Variants in TCF7L2 observed in about 807,000 individuals in gnomAD.
TCF7L2 encodes transcription factor 7 like 2.
TCF7L2 carries 23 observed loss-of-function variants against 77.9 expected under a neutral mutation model. The observed-to-expected ratio is 0.30, with a 90% CI of 0.21 to 0.42. The LOEUF is 0.42. TCF7L2 is among the 10% of genes least tolerant of loss of function. The pLI is 1.00. For synonymous variants in TCF7L2, 413 were observed against 340.2 expected (o/e 1.21, Z -2.36); for missense variants, 654 against 793.1 (o/e 0.82, Z 2.11).
chr10:113,040,140 C>T lies in TCF7L2; in HGVS notation c.552+14C>T. 6.2e-7 allele frequency: 1 copy of T among 1,610,114 alleles called. No homozygotes were observed. The highest frequency in any genetic ancestry group is 8.5e-7 in the Non-Finnish European group (1 of 1,177,296). Reference sequence around the variant, plus strand: ...GCACACATTGTCGTAAGTAACCTCCCAGAGATGATGGCTTCCTTTATTGAG... The same window carrying T: ...GCACACATTGTCGTAAGTAACCTCCTAGAGATGATGGCTTCCTTTATTGAG... On this transcript the variant is annotated intron_variant, in intron 5 of 13. Transcript: ENST00000627217.
At chr10:113,038,640 T>G (rs2051823433) in intron 4 of TCF7L2, among the ~76,000 whole-genome samples, 1 of 152,188 alleles carries the variant, frequency 6.6e-6, no homozygotes. Context: ...TTGAAATTGT[T>G]CTGACCATCA....
chr10:112,959,560 G>C lies in TCF7L2; in HGVS notation c.382-4996G>C, dbSNP rs191020287. Among the ~76,000 whole-genome samples, 6 of 152,320 alleles carry C rather than the reference G, an allele frequency of 3.9e-5. No individual in the cohort carries two copies. In the South Asian group the frequency reaches 1.0e-3, roughly 26 times the overall value. ...CCAGGAAGTGAAAGGGGATGCTGTCGTTAAGTTATTGTTTAGGGATGGTAC... is the reference window on the plus strand; with the variant it reads ...CCAGGAAGTGAAAGGGGATGCTGTCCTTAAGTTATTGTTTAGGGATGGTAC... On this transcript the variant is annotated intron_variant, in intron 3 of 13. Transcript: ENST00000627217.
chr10:113,150,920 CTTTT>C lies in TCF7L2; in HGVS notation c.876-76_876-73del, dbSNP rs1233537134. 6.1e-6 allele frequency: 8 copies of C among 1,321,230 alleles called. No homozygotes were observed. In the African/African-American group the frequency reaches 1.1e-4, roughly 18 times the overall value. The allele number at this position is 1,321,230 out of a possible 1,614,324, so 81.8% of individuals were successfully genotyped here. On this transcript the variant is annotated intron_variant, in intron 8 of 13. Transcript: ENST00000627217. Reference sequence around the variant, plus strand: ...AGTGTTACGTGCTGTTTTTTTTTTTCTTTTTAATTGTGTGTACACATCCCTCCTC... The same window carrying C: ...AGTGTTACGTGCTGTTTTTTTTTTTCTAATTGTGTGTACACATCCCTCCTC...
intron 5 of TCF7L2, among the ~76,000 whole-genome samples, chr10:113,081,693 A>G (rs1283954426): frequency 6.6e-6 from 1 of 152,226 alleles, no homozygotes; most frequent in Non-Finnish European, 1.5e-5. Flanking sequence ...TTGAGGTCAC[A>G]TTGAACCTCA....
chr10:113,164,907 G>A (rs1448777589), intron 13 of TCF7L2, among the ~76,000 whole-genome samples: 1 of 152,204 alleles, frequency 6.6e-6, no homozygotes, highest in Non-Finnish European at 1.5e-5. Context: ...GGCGCCAGCA[G>A]CCTCATGGTG....
intron 10 of TCF7L2, among the ~76,000 whole-genome samples, 165 bp from the exon 11 acceptor site, chr10:113,152,168 C>T (rs918825640): frequency 3.9e-5 from 6 of 152,156 alleles, no homozygotes; most frequent in Admixed American, 1.3e-4. Flanking sequence ...CTGTTAGTGC[C>T]AGGACCCAGC....
At chr10:112,973,696 T>C (rs567876704) in intron 4 of TCF7L2, among the ~76,000 whole-genome samples, 3 of 152,296 alleles carry the variant, frequency 2.0e-5, no homozygotes, top group Admixed American at 1.3e-4. Context: ...TTCAAGCTGT[T>C]CGCCTGCCTC....
chr10:113,114,002 A>G (rs1054151367), intron 5 of TCF7L2, among the ~76,000 whole-genome samples: 3 of 152,218 alleles, frequency 2.0e-5, no homozygotes, highest in African/African-American at 7.2e-5. Context: ...TCATAGTCTC[A>G]TGATTGTTAA....
chr10:113,068,290 G>A (rs1216873889), intron 5 of TCF7L2, among the ~76,000 whole-genome samples: 4 of 152,208 alleles, frequency 2.6e-5, no homozygotes, highest in African/African-American at 9.7e-5. Context: ...TGCTGGAGCC[G>A]CTGCCGTCTC....
chr10:113,131,319 T>C (rs1217742692), intron 5 of TCF7L2, among the ~76,000 whole-genome samples: 1 of 152,202 alleles, frequency 6.6e-6, no homozygotes, highest in Non-Finnish European at 1.5e-5. Context: ...AGTTCTCTCG[T>C]TGAGCGTAAA....
rs752020538 is a variant in TCF7L2, at chr10:113,166,429, C to T, written c.*457C>T. 21 of 224,600 alleles carry T rather than the reference C, an allele frequency of 9.3e-5. No individual in the cohort carries two copies. Among genetic ancestry groups the T allele is most frequent in the Non-Finnish European group, 1.7e-4 (20 of 114,954 alleles). The allele number at this position is 224,600 out of a possible 1,614,324, so 13.9% of individuals were successfully genotyped here. On this transcript the variant is annotated 3_prime_UTR_variant, in exon 14 of 14. Transcript: ENST00000627217. ...ACATCTGGTTTTTAAACCGTAAGGG[C>T]ACCATGAATGCAGTGCCGTTACTTT...
At chr10:112,974,496 T>G (rs1208037353) in intron 4 of TCF7L2, among the ~76,000 whole-genome samples, 1 of 152,154 alleles carries the variant, frequency 6.6e-6, no homozygotes, top group Non-Finnish European at 1.5e-5. Flanking sequence ...CAGGCTGGAG[T>G]GCAGTGGCGC....
At chr10:112,983,890 C>T (rs575849604) in intron 4 of TCF7L2, among the ~76,000 whole-genome samples, 18 of 152,334 alleles carry the variant, frequency 1.2e-4, no homozygotes, top group African/African-American at 3.8e-4. Context: ...GAACCCAGGC[C>T]TGTTCACACA....
At chr10:113,129,503 A>T (rs554106315) in intron 5 of TCF7L2, 736 of 1,008,880 alleles carry the variant, frequency 7.3e-4, no homozygotes, top group Non-Finnish European at 8.3e-4. Flanking sequence ...AATTTTTTTT[A>T]AAAAATTAAA....
rs149092094 is a variant in TCF7L2 at position 113,055,695 on chromosome 10, C to T, written c.552+15569C>T. Among the ~76,000 whole-genome samples, 1,103 of 152,332 alleles carry T rather than the reference C, an allele frequency of 7.2e-3. 4 individuals are homozygous for T. The highest frequency in any genetic ancestry group is 0.014 in the Middle Eastern group (4 of 294). ...CTGGTACCAAGAGGTCCTCCTGCCC[C>T]AGCCTCCTGAATAGGTGGGACCACA... is the stretch of plus-strand genomic sequence containing the variant. On this transcript the variant is annotated intron_variant, in intron 5 of 13. Transcript: ENST00000627217.
intron 6 of TCF7L2, among the ~76,000 whole-genome samples, chr10:113,142,474 G>A (rs1005120362): frequency 7.2e-5 from 11 of 152,234 alleles, no homozygotes; most frequent in South Asian, 4.1e-4. Context: ...AGGCTACCCA[G>A]TGTGTTGGTA....
chr10:112,992,489 C>A (rs555986144), intron 4 of TCF7L2, among the ~76,000 whole-genome samples: 5 of 152,072 alleles, frequency 3.3e-5, no homozygotes, highest in African/African-American at 1.2e-4. Context: ...GAGTGCTGGG[C>A]GAACATTTCT....
Position 113,165,969 on chromosome 10 carries a change from A to C in TCF7L2, c.1806A>C (p.Glu602Asp), listed in dbSNP as rs770026114. The C allele has an allele frequency of 3.3e-6, 5 of 1,520,592 alleles. No homozygotes were observed. The highest frequency in any genetic ancestry group is 4.4e-6 in the Non-Finnish European group (5 of 1,133,144). The allele number at this position is 1,520,592 out of a possible 1,614,324, so 94.2% of individuals were successfully genotyped here. ...TGTCGCTCGTCACCAAGTCTTTAGA[A>C]TAGCTTTAGCGTCGTGAACCCCGCT... Residue 602 changes from glutamate to aspartate, a missense_variant, in exon 14 of 14, where the codon GAA becomes GAC. This residue lies in a region of TCF7L2 where 272 missense variants were observed against 215.4 expected (regional missense o/e 1.26). Coordinates refer to ENST00000627217, the MANE Select transcript of TCF7L2 (RefSeq NM_001146274.2).
intron 5 of TCF7L2, among the ~76,000 whole-genome samples, chr10:113,042,582 G>A (rs1198773334): frequency 6.6e-6 from 1 of 152,174 alleles, no homozygotes; most frequent in African/African-American, 2.4e-5. Flanking sequence ...GGGTATTTCT[G>A]CAGTCTTCAC....
Sources: allele counts gnomAD v4.1 joint callset (sites outside exome capture counted in the v4.1 genomes callset), GRCh38; gene constraint gnomAD v4.1.1; regional missense constraint gnomAD v4.1.1; transcripts MANE v1.5; gene names NCBI Gene and HGNC (gene_info 2026-07-23, HGNC 2026-07-21).